CHRNA5: variants seen among roughly 807,000 people sequenced by gnomAD.
CHRNA5 encodes neuronal acetylcholine receptor subunit alpha-5.
In CHRNA5, 28 loss-of-function variants were observed where a neutral mutation model predicts 41.2. The observed-to-expected ratio is 0.68, with a 90% CI of 0.50 to 0.93. The LOEUF (loss-of-function observed/expected upper bound fraction) is 0.93, where lower values mean the gene tolerates loss of function less well. Ranked by LOEUF, CHRNA5 falls within the 40% of genes least tolerant of loss-of-function variation. The probability of loss-of-function intolerance (pLI) is 0.00; values close to 1 mark genes in which losing one functional copy is unlikely to be tolerated. For synonymous variants in CHRNA5, 188 were observed against 205.8 expected, an observed-to-expected ratio of 0.91 and a Z score of 0.74; for missense variants, 481 against 581.9, an observed-to-expected ratio of 0.83 and a Z score of 1.78.
At chr15:78,590,712 A>C in intron 5 of CHRNA5, 76 bp downstream of exon 5, 1 of 1,221,836 alleles carries the variant, frequency 8.2e-7, no homozygotes, top group South Asian at 1.5e-5. Context: ...ATTTTGGCAG[A>C]GTAAACAGCA....
exon 6 of CHRNA5, chr15:78,593,942 G>A (rs1312619763): frequency 3.3e-5 from 5 of 152,416 alleles, no homozygotes; most frequent in African/African-American, 4.8e-5. Flanking sequence ...GGGAGGCTGC[G>A]GCAGGAGAAT....
chr15:78,565,616 T>G, exon 1 of CHRNA5: 1 of 273,326 alleles, frequency 3.7e-6, no homozygotes, highest in Non-Finnish European at 6.2e-6. Context: ...TCTGCCCTCG[T>G]TTTGTCTCAC....
At chr15:78,591,686 A>G (rs530807850) in intron 5 of CHRNA5, among the ~76,000 whole-genome samples, 19 of 152,082 alleles carry the variant, frequency 1.2e-4, no homozygotes, top group East Asian at 6.1e-4. Flanking sequence ...TTTAATTTCA[A>G]TAAGACTTTC....
chr15:78,579,400 T>C (rs1043668743), intron 1 of CHRNA5, among the ~76,000 whole-genome samples: 1 of 152,102 alleles, frequency 6.6e-6, no homozygotes, highest in African/African-American at 2.4e-5. Flanking sequence ...ATTACAGGCG[T>C]GTGCCACCAT....
At chr15:78,571,032 C>G (rs2052799763) in intron 1 of CHRNA5, among the ~76,000 whole-genome samples, 1 of 152,192 alleles carries the variant, frequency 6.6e-6, no homozygotes, top group Admixed American at 6.5e-5. Context: ...GCTTCTGAAA[C>G]TTAGATGTAC....
In CHRNA5 at chr15:78,565,836, G is replaced by A; in HGVS notation, c.106+11G>A. 1.6e-6 allele frequency: 2 copies of A among 1,215,988 alleles called. No individual in the cohort carries two copies. The allele number at this position is 1,215,988 out of a possible 1,614,324, so 75.3% of individuals were successfully genotyped here. On this transcript the variant is annotated intron_variant, in intron 1 of 5. Coordinates refer to ENST00000299565, the Ensembl canonical transcript of CHRNA5. ...GCGGCGCGCAGAGAGGTAAGCCCGG[G>A]CTGCAGAGGGGCGGGGCGGGAGCTG...
chr15:78,581,001 AT>A, intron 2 of CHRNA5, 39 bp downstream of exon 2: 1 of 1,589,570 alleles, frequency 6.3e-7, no homozygotes, highest in Admixed American at 1.7e-5. Flanking sequence ...TTTCCCACAG[AT>A]TTAGTGAGAG....
At chr15:78,574,841 C>T (rs2052842774) in intron 1 of CHRNA5, among the ~76,000 whole-genome samples, 1 of 151,756 alleles carries the variant, frequency 6.6e-6, no homozygotes. Context: ...GGCATGGTGG[C>T]GAGTGCCTGT....
chr15:78,580,792 T>G lies in CHRNA5; in HGVS notation c.107-19T>G, dbSNP rs767203807. ...GGGAGAGAAGCGAGTACATTAACTT[T>G]TAAAAATTTGTTATACAGGATTATC... On this transcript the variant is annotated intron_variant, in intron 1 of 5. Transcript: ENST00000299565. The G allele has an allele frequency of 6.3e-7, 1 of 1,597,108 alleles. No homozygotes were observed. Among genetic ancestry groups the G allele is most frequent in the African/African-American group, 1.3e-5 (1 of 74,210 alleles).
chr15:78,590,295 A>C (rs150696868), exon 5 of CHRNA5: 87 of 1,613,838 alleles, frequency 5.4e-5, no homozygotes, highest in Non-Finnish European at 7.1e-5. Flanking sequence ...TATTGAAGAG[A>C]TCATACCATC....
rs79750594 is a variant in CHRNA5 at position 78,572,788 on chromosome 15, T to C, written c.106+6963T>C. On this transcript the variant is annotated intron_variant, in intron 1 of 5. Transcript: ENST00000299565. ...TGAACCACCACACCTGGCTGGTATA[T>C]AGTATTGAATGAAAAAAAGTTGCAG... is the stretch of plus-strand genomic sequence containing the variant. Among the ~76,000 whole-genome samples, 1,179 of 152,230 alleles carry C rather than the reference T, an allele frequency of 7.7e-3. 7 individuals are homozygous for C. Among genetic ancestry groups the C allele is most frequent in the Non-Finnish European group, 0.014 (947 of 68,018 alleles).
rs537861217 is a variant in CHRNA5 at position 78,579,895 on chromosome 15, A to G, written c.107-916A>G. On this transcript the variant is annotated intron_variant, in intron 1 of 5. Coordinates refer to ENST00000299565, the Ensembl canonical transcript of CHRNA5. ...CTTCCTTCCTTATTCCCTAAAAAGC[A>G]GTTTTATACAAATGTATAGTTTTAT... Among the ~76,000 whole-genome samples the G allele has an allele frequency of 3.7e-4, 57 of 152,316 alleles. No homozygotes were observed. The South Asian group carries it at 0.011, about 30-fold the overall frequency.
At chr15:78,593,106 G>C (rs1327013276) in exon 6 of CHRNA5, 3 of 1,604,836 alleles carry the variant, frequency 1.9e-6, no homozygotes, top group Non-Finnish European at 2.5e-6. Flanking sequence ...TTGAAGATTG[G>C]AAATTCATAG....
chr15:78,580,228 G>A (rs560781250), intron 1 of CHRNA5, among the ~76,000 whole-genome samples: 16 of 129,292 alleles, frequency 1.2e-4, no homozygotes, highest in Admixed American at 2.9e-4. Flanking sequence ...GCAATGAGCC[G>A]AGATTGCACC....
intron 1 of CHRNA5, among the ~76,000 whole-genome samples, chr15:78,567,392 T>G (rs1357524076): frequency 6.6e-6 from 1 of 152,224 alleles, no homozygotes; most frequent in Non-Finnish European, 1.5e-5. Flanking sequence ...TCTCTACCCC[T>G]TTTGATGAAA....
chr15:78,577,462 G>C (rs2052869327), intron 1 of CHRNA5, among the ~76,000 whole-genome samples: 1 of 152,182 alleles, frequency 6.6e-6, no homozygotes, highest in Non-Finnish European at 1.5e-5. Flanking sequence ...GGTATTTCTA[G>C]TATGGGATGT....
chr15:78,590,641 G>C lies in CHRNA5; in HGVS notation c.1245+5G>C. Reference sequence around the variant, plus strand: ...AAGGAAAATGATGTCCGTGAGGTCTGTGATGTGTATTTACAAATGCAGATC... The same window carrying C: ...AAGGAAAATGATGTCCGTGAGGTCTCTGATGTGTATTTACAAATGCAGATC... On this transcript the variant is annotated splice_donor_5th_base_variant and intron_variant, in intron 5 of 5. Coordinates refer to ENST00000299565, the Ensembl canonical transcript of CHRNA5. The C allele has an allele frequency of 6.3e-7, 1 of 1,593,428 alleles. No individual in the cohort carries two copies. The highest frequency in any genetic ancestry group is 8.6e-7 in the Non-Finnish European group (1 of 1,169,182).
chr15:78,584,839 A>G (rs1039312508), intron 2 of CHRNA5, among the ~76,000 whole-genome samples: 12 of 152,312 alleles, frequency 7.9e-5, no homozygotes, highest in Middle Eastern at 6.8e-3. Flanking sequence ...GTGGTGTGCG[A>G]CTAGGGTGGA....
chr15:78,573,298 G>T (rs1311762126), intron 1 of CHRNA5, among the ~76,000 whole-genome samples: 1 of 152,230 alleles, frequency 6.6e-6, no homozygotes, highest in African/African-American at 2.4e-5. Flanking sequence ...CTCCAGAGCT[G>T]CAGTGCTGTT....
Sources: gnomAD v4.1 joint callset for allele counts (sites outside exome capture counted in the v4.1 genomes callset) on GRCh38, gnomAD v4.1.1 for gene constraint, MANE v1.5 for transcripts, NCBI Gene and HGNC (gene_info 2026-07-23, HGNC 2026-07-21) for gene names.